The following PRKN variants were observed in gnomAD, a reference collection of about 807,000 sequenced individuals.
The protein encoded by PRKN is parkin RBR E3 ubiquitin protein ligase.
A neutral mutation model predicts 59.5 loss-of-function variants in PRKN; 56 were observed. The observed-to-expected ratio is 0.94, with a 90% CI of 0.76 to 1.18. The LOEUF is 1.18. Ranked by LOEUF, PRKN falls within the 50% of genes most tolerant of loss-of-function variation. The pLI, the probability that PRKN is intolerant of heterozygous loss-of-function variation, is 0.00. For missense variants in PRKN, 657 were observed against 596.4 expected, an observed-to-expected ratio of 1.10 and a Z score of -1.06; for synonymous variants, 250 against 222.1, an observed-to-expected ratio of 1.13 and a Z score of -1.12.
At chr6:161,716,195 T>A in intron 7 of PRKN, 1 of 762,158 alleles carries the variant, frequency 1.3e-6, no homozygotes, top group Non-Finnish European at 2.0e-6. Flanking sequence ...TTGTATCTGA[T>A]GCTCTTTTCA....
intron 4 of PRKN, among the ~76,000 whole-genome samples, chr6:162,174,061 G>A (rs1783418085): frequency 6.6e-6 from 1 of 152,144 alleles, no homozygotes; most frequent in Non-Finnish European, 1.5e-5. Context: ...AGGAAGAGAG[G>A]GCAGGAAGGA....
rs116907232 is a variant in PRKN at position 162,291,766 on chromosome 6, A to T, written c.172-29001T>A. On this transcript the variant is annotated intron_variant, in intron 2 of 11. Coordinates refer to ENST00000366898, the MANE Select transcript of PRKN (RefSeq NM_004562.3). The stretch of plus-strand genomic sequence containing the variant: ...TACCCTGAGGTTATTCACCGCTACG[A>T]CAACAATCTCCAAAGACGTTTTCTC... 6.0e-3 allele frequency among the ~76,000 whole-genome samples: 908 copies of T among 152,244 alleles called. 6 individuals carry two copies. The highest frequency in any genetic ancestry group is 0.011 in the Admixed American group (162 of 15,280).
intron 2 of PRKN, among the ~76,000 whole-genome samples, chr6:162,375,865 G>T (rs1251464437): frequency 6.6e-6 from 1 of 151,476 alleles, no homozygotes; most frequent in African/African-American, 2.4e-5. Flanking sequence ...ACTGAATTTT[G>T]GGTGGACATG....
intron 6 of PRKN, among the ~76,000 whole-genome samples, chr6:161,965,514 T>C (rs879327543): frequency 1.3e-5 from 2 of 152,004 alleles, no homozygotes; most frequent in African/African-American, 2.4e-5. Flanking sequence ...CTTCTATCGA[T>C]GAAAAGAGTC....
At chr6:161,872,790 G>C (rs953194221) in intron 6 of PRKN, among the ~76,000 whole-genome samples, 27 of 151,988 alleles carry the variant, frequency 1.8e-4, no homozygotes, top group African/African-American at 6.3e-4. Context: ...GCTTCCTGGA[G>C]AGCCCAGGCT....
intron 3 of PRKN, among the ~76,000 whole-genome samples, chr6:162,252,702 G>A (rs886934140): frequency 6.6e-6 from 1 of 152,196 alleles, no homozygotes; most frequent in Admixed American, 6.5e-5. Context: ...CAGCTTTAAA[G>A]GTGCCTTGTT....
At chr6:161,942,310 C>T (rs1408339302) in intron 6 of PRKN, among the ~76,000 whole-genome samples, 30 of 152,246 alleles carry the variant, frequency 2.0e-4, no homozygotes, top group African/African-American at 6.7e-4. Context: ...GCAGGTGGAT[C>T]GCCTGAGATC....
chr6:161,994,957 A>G (rs1056479899), intron 5 of PRKN, among the ~76,000 whole-genome samples: 1 of 152,004 alleles, frequency 6.6e-6, no homozygotes, highest in Non-Finnish European at 1.5e-5. Flanking sequence ...ATATGTATGG[A>G]ACCACAAAAG....
rs565986638 is a variant in PRKN, at chr6:161,940,902, T to C, written c.734+32400A>G. The stretch of plus-strand genomic sequence containing the variant: ...ACCTCACTTGGTGTTTGTGGTCTCC[T>C]AATGCATTAGGTTCTCCCCGCACAC... On this transcript the variant is annotated intron_variant, in intron 6 of 11. Transcript: ENST00000366898. Among the ~76,000 whole-genome samples, 98 of 152,306 alleles carry C rather than the reference T, an allele frequency of 6.4e-4. 2 individuals carry two copies. The highest frequency in any genetic ancestry group is 2.2e-3 in the African/African-American group (91 of 41,566).
chr6:162,520,545 G>T (rs1038279882), intron 1 of PRKN, among the ~76,000 whole-genome samples: 3 of 152,002 alleles, frequency 2.0e-5, no homozygotes, highest in Admixed American at 1.3e-4. Flanking sequence ...ATTTACAACT[G>T]GCTGCTACAT....
At chr6:162,621,525 T>G (rs748434542) in intron 1 of PRKN, among the ~76,000 whole-genome samples, 3 of 152,176 alleles carry the variant, frequency 2.0e-5, no homozygotes, top group Non-Finnish European at 4.4e-5. Flanking sequence ...ACTGCCCACA[T>G]CAGAAGAATC....
intron 1 of PRKN, among the ~76,000 whole-genome samples, chr6:162,631,058 A>G (rs1052728644): frequency 6.6e-5 from 10 of 152,250 alleles, no homozygotes; most frequent in Admixed American, 3.3e-4. Context: ...CTTCACTCAA[A>G]TACAACAGGT....
In PRKN at chr6:162,727,732, C is replaced by CTGGTGGGAGGCGCGGCTG; in HGVS notation, c.-65_-64insCAGCCGCGCCTCCCACCA. 1.3e-6 allele frequency: 2 copies of CTGGTGGGAGGCGCGGCTG among 1,519,830 alleles called. No homozygotes were observed. The highest frequency in any genetic ancestry group is 1.8e-6 in the Non-Finnish European group (2 of 1,119,850). The allele number at this position is 1,519,830 out of a possible 1,614,324, so 94.1% of individuals were successfully genotyped here. ...CCCATGCGCGCAGCGGCGCCAGCCG[C>CTGGTGGGAGGCGCGGCTG]GCCTCCCACCAGCGGCTCTCCTGGG... On this transcript the variant is annotated 5_prime_UTR_variant, in exon 1 of 12. Coordinates refer to ENST00000366898, the MANE Select transcript of PRKN (RefSeq NM_004562.3).
intron 4 of PRKN, among the ~76,000 whole-genome samples, chr6:162,125,777 A>T (rs973086468): frequency 6.6e-6 from 1 of 152,192 alleles, no homozygotes; most frequent in Admixed American, 6.5e-5. Context: ...AAGATGATAC[A>T]TGGCAGGTAC....
rs571764076 is a variant in PRKN at position 162,272,470 on chromosome 6, C to T, written c.172-9705G>A. Among the ~76,000 whole-genome samples the T allele has an allele frequency of 6.7e-4, 102 of 151,846 alleles. 1 individual carries two copies. The highest frequency in any genetic ancestry group is 1.2e-3 in the Admixed American group (18 of 15,240). On this transcript the variant is annotated intron_variant, in intron 2 of 11. Transcript: ENST00000366898. ...TTAATGTTTTTAAAGCCATGGAATA[C>T]GCTGTATAGAATTACTGGGGTCAGG...
At chr6:161,565,171 C>T (rs550881778) in intron 8 of PRKN, among the ~76,000 whole-genome samples, 1 of 152,188 alleles carries the variant, frequency 6.6e-6, no homozygotes, top group East Asian at 1.9e-4. Flanking sequence ...ATGAGATCCA[C>T]CCTCAGCTTC....
intron 7 of PRKN, among the ~76,000 whole-genome samples, chr6:161,739,349 G>A (rs1045979363): frequency 2.6e-5 from 4 of 152,012 alleles, no homozygotes; most frequent in East Asian, 1.9e-4. Context: ...TGGAGGTTGC[G>A]GTGAGCTGAA....
In PRKN at chr6:161,759,707, C is replaced by T. The variant is rs1168347836; in HGVS notation, c.871+26065G>A. Among the ~76,000 whole-genome samples the T allele has an allele frequency of 2.0e-5, 3 of 152,302 alleles. No homozygotes were observed. In the East Asian group the frequency reaches 5.8e-4, roughly 29 times the overall value. ...CACTTAATTGCTAGATCCTTCCACGCAGTTTTCCCATTGTCTGGCTTCCAC... is the reference window on the plus strand; with the variant it reads ...CACTTAATTGCTAGATCCTTCCACGTAGTTTTCCCATTGTCTGGCTTCCAC... On this transcript the variant is annotated intron_variant, in intron 7 of 11. Coordinates refer to ENST00000366898, the MANE Select transcript of PRKN (RefSeq NM_004562.3).
chr6:161,567,572 TGTGTGTTTGCGC>T (rs912257426), intron 8 of PRKN, among the ~76,000 whole-genome samples: 6 of 152,116 alleles, frequency 3.9e-5, no homozygotes, highest in Admixed American at 6.5e-5. Context: ...CATGTGTGTG[TGTGTGTTTGCGC>T]GTGTGTTTGC....
Sources: gnomAD v4.1 joint callset for allele counts (sites outside exome capture counted in the v4.1 genomes callset) on GRCh38, gnomAD v4.1.1 for gene constraint, MANE v1.5 for transcripts, NCBI Gene and HGNC (gene_info 2026-07-23, HGNC 2026-07-21) for gene names.